Variants in POU2F3 observed in about 807,000 individuals in gnomAD.
The protein encoded by POU2F3 is POU domain, class 2, transcription factor 3.
In POU2F3, 23 loss-of-function variants were observed where a neutral mutation model predicts 59.2. That is an observed-to-expected ratio of 0.39 (90% CI 0.28 to 0.55). The LOEUF is 0.55. Ranked by LOEUF, POU2F3 falls within the 20% of genes least tolerant of loss-of-function variation. The pLI is 0.66. For synonymous variants in POU2F3, 190 were observed against 214.6 expected (o/e 0.89, Z 1.00); for missense variants, 473 against 544.5 (o/e 0.87, Z 1.31).
At chr11:120,299,296 T>TGG (rs1565382817) in intron 4 of POU2F3, among the ~76,000 whole-genome samples, 9 of 152,214 alleles carry the variant, frequency 5.9e-5, no homozygotes, top group Admixed American at 5.2e-4. Flanking sequence ...CTTTGAGAGA[T>TGG]GGGTCATACC....
At chr11:120,302,092 A>T in intron 5 of POU2F3, 194 bp from the exon 6 acceptor site, 1 of 574,922 alleles carries the variant, frequency 1.7e-6, no homozygotes, top group East Asian at 2.9e-5. Context: ...CCTGTATCTG[A>T]TTTGCCTCCA....
At chr11:120,304,976 A>AAAT in intron 6 of POU2F3, 54 bp from the exon 7 acceptor site, 1 of 1,141,172 alleles carries the variant, frequency 8.8e-7, no homozygotes. Context: ...AAAAAATCAG[A>AAAT]AAATGTTATT....
intron 3 of POU2F3, among the ~76,000 whole-genome samples, chr11:120,290,808 A>ATG (rs920163538): frequency 6.6e-6 from 1 of 152,156 alleles, no homozygotes; most frequent in Non-Finnish European, 1.5e-5. Context: ...TGGTGTGTAT[A>ATG]TGTGTGTGTG....
At chr11:120,252,134 G>A (rs1444985628) in intron 2 of POU2F3, among the ~76,000 whole-genome samples, 1 of 151,162 alleles carries the variant, frequency 6.6e-6, no homozygotes, top group Non-Finnish European at 1.5e-5. Context: ...TCAGTGCCTG[G>A]AAGTCCTTTC....
At chr11:120,244,056 TAGCTAA>T (rs1330202951) in intron 1 of POU2F3, among the ~76,000 whole-genome samples, 14 of 151,738 alleles carry the variant, frequency 9.2e-5, no homozygotes, top group African/African-American at 3.2e-4. Flanking sequence ...GATTACAGTT[TAGCTAA>T]AGAATTACCT....
intron 5 of POU2F3, among the ~76,000 whole-genome samples, chr11:120,300,631 G>T (rs1048338551): frequency 1.3e-5 from 2 of 152,128 alleles, no homozygotes; most frequent in African/African-American, 4.8e-5. Context: ...GGGTGTGGTG[G>T]TGCATGCCTG....
intron 3 of POU2F3, among the ~76,000 whole-genome samples, chr11:120,297,936 AT>A (rs1335660134): frequency 0.031 from 3,545 of 113,704 alleles, 109 homozygotes; most frequent in African/African-American, 0.091. Context: ...ATGCCTGGCT[AT>A]TTTTTTTTTT....
intron 2 of POU2F3, chr11:120,259,295 G>A (rs1209122211): frequency 6.6e-6 from 1 of 152,224 alleles, no homozygotes; most frequent in Non-Finnish European, 1.5e-5. Context: ...CAGACTGTCA[G>A]GGGTAGAGAG....
chr11:120,317,228 G>A lies in POU2F3; in HGVS notation c.1136-1G>A, dbSNP rs774268046. ...TTGTTTTTGCCTCTCCTTATCCTCA[G>A]TAACGTCATCCTGTTCCCCTGGGAA... On this transcript the variant is annotated splice_acceptor_variant, in intron 11 of 12. Transcript: ENST00000543440. LOFTEE classifies it high-confidence loss of function. 3 of 1,613,974 alleles carry A rather than the reference G, an allele frequency of 1.9e-6. No homozygotes were observed. In the South Asian group the frequency reaches 3.3e-5, roughly 18 times the overall value.
intron 3 of POU2F3, among the ~76,000 whole-genome samples, chr11:120,283,780 T>TGTGC (rs1189164189): frequency 1.7e-5 from 2 of 118,770 alleles, no homozygotes; most frequent in African/African-American, 7.4e-5. Context: ...TTCGTGTGTG[T>TGTGC]GTGTGTGTGT....
At chr11:120,309,389 T>A in intron 9 of POU2F3, 36 bp from the exon 10 acceptor site, 2 of 1,566,128 alleles carry the variant, frequency 1.3e-6, no homozygotes, top group Non-Finnish European at 1.8e-6. Context: ...CTGATTCCCT[T>A]CTCTTGGCCA....
intron 3 of POU2F3, among the ~76,000 whole-genome samples, chr11:120,296,511 A>G (rs12225696): frequency 0.08 from 12,181 of 152,064 alleles, 1,519 homozygotes; most frequent in East Asian, 0.65. Flanking sequence ...CACATATTAA[A>G]CTGAGTACCC....
chr11:120,238,216 G>C (rs922865175), upstream of POU2F3, among the ~76,000 whole-genome samples: 3 of 152,064 alleles, frequency 2.0e-5, no homozygotes, highest in Non-Finnish European at 2.9e-5. Flanking sequence ...CTCCAGCCTG[G>C]GCAACAAGGT....
intron 11 of POU2F3, 76 bp downstream of exon 11, chr11:120,315,503 T>A: frequency 7.2e-7 from 1 of 1,394,692 alleles, no homozygotes; most frequent in Non-Finnish European, 1.0e-6. Flanking sequence ...GAAAGGTATC[T>A]ACCTAAGTCA....
At chr11:120,305,519 G>A (rs1046921884) in intron 7 of POU2F3, 125 bp from the exon 8 acceptor site, 9 of 1,394,958 alleles carry the variant, frequency 6.5e-6, no homozygotes, top group East Asian at 4.6e-5. Context: ...GAAAGGAGCC[G>A]AGCATGGGTG....
At chr11:120,310,710 C>T (rs1941629158) in intron 10 of POU2F3, among the ~76,000 whole-genome samples, 1 of 152,136 alleles carries the variant, frequency 6.6e-6, no homozygotes, top group Non-Finnish European at 1.5e-5. Context: ...GAAATGCAGC[C>T]TTCTCAGGGT....
intron 6 of POU2F3, among the ~76,000 whole-genome samples, chr11:120,304,619 C>A (rs1565385771): frequency 6.6e-6 from 1 of 151,856 alleles, no homozygotes; most frequent in Admixed American, 6.6e-5. Flanking sequence ...AAACAAAAAA[C>A]AAAAAAACAA....
At chr11:120,280,629 A>AG (rs1307612759) in intron 3 of POU2F3, among the ~76,000 whole-genome samples, 11 of 139,630 alleles carry the variant, frequency 7.9e-5, no homozygotes, top group African/African-American at 2.3e-4. Flanking sequence ...AGAGAGAGAG[A>AG]AAAAGAGAGA....
chr11:120,272,268 C>A (rs1453902573), intron 3 of POU2F3, among the ~76,000 whole-genome samples: 1 of 152,196 alleles, frequency 6.6e-6, no homozygotes, highest in Non-Finnish European at 1.5e-5. Context: ...GAAGTTCACA[C>A]AATTGGTTGA....
Sources: gnomAD v4.1 joint callset for allele counts (sites outside exome capture counted in the v4.1 genomes callset) on GRCh38, gnomAD v4.1.1 for gene constraint, MANE v1.5 for transcripts, NCBI Gene and HGNC (gene_info 2026-07-23, HGNC 2026-07-21) for gene names.